Variants in ERICH6 observed in about 807,000 individuals in gnomAD.
ERICH6 encodes glutamate rich 6, also known as glutamate-rich protein 6.
Under a neutral mutation model 71.0 loss-of-function variants are expected in ERICH6, and 71 were observed. The ratio of observed to expected loss-of-function variants is 1.00; its 90% confidence interval spans 0.83 to 1.22. The LOEUF (loss-of-function observed/expected upper bound fraction) is 1.22. Ranked by LOEUF, ERICH6 falls within the 50% of genes most tolerant of loss-of-function variation. The pLI is 0.00. For missense variants in ERICH6, 808 were observed against 797.2 expected (o/e 1.01, Z -0.16); for synonymous variants, 262 against 278.4 (o/e 0.94, Z 0.59).
intron 3 of ERICH6, among the ~76,000 whole-genome samples, chr3:150,686,561 G>C (rs545004913): frequency 6.6e-6 from 1 of 152,232 alleles, no homozygotes; most frequent in South Asian, 2.1e-4. Context: ...ATTTTAAAAT[G>C]TTTCCCCTTC....
In ERICH6 at chr3:150,703,890, G is replaced by A. The variant is rs779874184; in HGVS notation, c.9C>T (p.His3=). ...CTCCGAAGCCGCTAGGCGAGCGCAAGTGGGCCATGGCTGGCGGGAGGCGGG... is the reference window on the plus strand; with the variant it reads ...CTCCGAAGCCGCTAGGCGAGCGCAAATGGGCCATGGCTGGCGGGAGGCGGG... The part of the protein sequence containing the change: MA[H]LRSPSGFGDP... Residue 3 remains histidine (H), a synonymous_variant, in exon 1 of 14, where the codon CAC becomes CAT. Coordinates refer to ENST00000295910, the MANE Select transcript of ERICH6 (RefSeq NM_152394.5). 6.2e-7 allele frequency: 1 copy of A among 1,613,952 alleles called. No homozygotes were observed. The highest frequency in any genetic ancestry group is 1.1e-5 in the South Asian group (1 of 91,072).
chr3:150,667,184 AC>A (rs1727456044), intron 12 of ERICH6, among the ~76,000 whole-genome samples, 169 bp from the exon 13 acceptor site: 1 of 152,212 alleles, frequency 6.6e-6, no homozygotes, highest in Non-Finnish European at 1.5e-5. Flanking sequence ...ACTAAATTCT[AC>A]ACGAATCTGA....
rs1559924826 is a variant in ERICH6, at chr3:150,703,835, C to G, written c.64G>C (p.Glu22Gln). 2 of 1,613,350 alleles carry G rather than the reference C, an allele frequency of 1.2e-6. No individual in the cohort carries two copies. The highest frequency in any genetic ancestry group is 2.2e-5 in the East Asian group (1 of 44,860). ...TCCTCCTCCTCCTCTAACTCCTCCT[C>G]TGACTCCTTCTGGTCCTTCTTCCCC... ...DPGKKDQKES[E>Q]EELEEEEEEE... Residue 22 changes from glutamate to glutamine, a missense_variant, in exon 1 of 14, where the codon GAG (glutamate) becomes CAG (glutamine). Around this residue, in one of 3 missense-constraint regions of ERICH6, gnomAD observed 53 missense variants for 40.6 expected, o/e 1.30. Transcript: ENST00000295910.
At chr3:150,672,240 AAAC>A (rs1711508086) in intron 11 of ERICH6, among the ~76,000 whole-genome samples, 1 of 102,766 alleles carries the variant, frequency 9.7e-6, no homozygotes, top group Non-Finnish European at 2.0e-5. Flanking sequence ...AAATATGAAT[AAAC>A]AAAGAATCCA....
chr3:150,685,773 T>G lies in ERICH6; in HGVS notation c.752A>C (p.Glu251Ala), dbSNP rs771270007. 1 of 1,614,118 alleles carries G rather than the reference T, an allele frequency of 6.2e-7. No homozygotes were observed. The highest frequency in any genetic ancestry group is 2.2e-5 in the East Asian group (1 of 44,874). ...IGPPSILAYKEESSNLGINFK... is the reference protein window; with the variant it reads ...IGPPSILAYKAESSNLGINFK... ...GTTAATGCCTAAATTGGAGCTCTCT[T>G]CTTTGTATGCCAGAATGGATGGTGG... Residue 251 changes from glutamate to alanine, a missense_variant, in exon 6 of 14, where the codon GAA becomes GCA. Transcript: ENST00000295910.
chr3:150,672,344 TC>T (rs1331249289), intron 11 of ERICH6, among the ~76,000 whole-genome samples: 1 of 150,088 alleles, frequency 6.7e-6, no homozygotes, highest in Non-Finnish European at 1.5e-5. Flanking sequence ...ATGCCTGTAA[TC>T]CCAGCACTTT....
At chr3:150,685,632 CTTTT>C in intron 6 of ERICH6, 106 bp downstream of exon 6, 2 of 774,562 alleles carry the variant, frequency 2.6e-6, no homozygotes, top group Non-Finnish European at 3.9e-6. Flanking sequence ...AGCTCTTTGG[CTTTT>C]TTTTTTTTTC....
In ERICH6 at chr3:150,669,368, G is replaced by C; in HGVS notation, c.1427C>G (p.Thr476Ser). The change falls in exon 12 of 14, where the codon ACT (threonine) becomes AGT (serine). Residue 476 changes from threonine (T) to serine (S), a missense_variant. Physicochemically the swap from Thr to Ser is moderately conservative, Grantham distance 58. Around this residue, in one of 3 missense-constraint regions of ERICH6, gnomAD observed 736 missense variants for 712.2 expected, o/e 1.03. Coordinates refer to ENST00000295910, the MANE Select transcript of ERICH6 (RefSeq NM_152394.5). ...CAGCACTGCTAGGATAGCAGGGTTAGTGGGCATATCTTCTTGGACTATACA... is the reference window on the plus strand; with the variant it reads ...CAGCACTGCTAGGATAGCAGGGTTACTGGGCATATCTTCTTGGACTATACA... ...FTCIVQEDMP[T>S]NPAILAVLDS... The C allele has an allele frequency of 6.2e-7, 1 of 1,613,926 alleles. No individual in the cohort carries two copies. The highest frequency in any genetic ancestry group is 8.5e-7 in the Non-Finnish European group (1 of 1,179,920).
intron 10 of ERICH6, among the ~76,000 whole-genome samples, chr3:150,676,608 C>G (rs529802924): frequency 6.6e-6 from 1 of 152,116 alleles, no homozygotes; most frequent in African/African-American, 2.4e-5. Context: ...TTCTGCCAGT[C>G]ACCTGGGTTT....
Position 150,686,016 on chromosome 3 carries a change from A to G in ERICH6, c.616T>C (p.Trp206Arg). 1 of 1,600,886 alleles carries G rather than the reference A, an allele frequency of 6.2e-7. No homozygotes were observed. Among genetic ancestry groups the G allele is most frequent in the Non-Finnish European group, 8.6e-7 (1 of 1,168,032 alleles). The stretch of plus-strand genomic sequence containing the variant: ...TTCGACTCTTCTGGATTAATTACCC[A>G]TTTTTCTGGAGAGAAAGAATAGATT... ...ECLASKLREK[W>R]VINPEESKLN... The change falls in exon 5 of 14, where the codon TGG (tryptophan) becomes CGG (arginine). Residue 206 changes from tryptophan to arginine, a missense_variant. By Grantham distance (101) the Trp-to-Arg change is moderately radical. Around this residue, in one of 3 missense-constraint regions of ERICH6, gnomAD observed 736 missense variants for 712.2 expected, o/e 1.03. Transcript: ENST00000295910.
rs143930696 is a variant in ERICH6 at position 150,680,807 on chromosome 3, C to T, written c.1006G>A (p.Asp336Asn). The change falls in exon 8 of 14, where the codon GAC becomes AAC. Residue 336 changes from aspartate to asparagine, a missense_variant. Transcript: ENST00000295910. ...DPHAAHGSEV[D>N]RLKAKEKALQ... The stretch of plus-strand genomic sequence containing the variant: ...GCTTTTTCTTTTGCCTTGAGTCTGT[C>T]GACCTCACTACCATGGGCTGCATGA... 204 of 1,611,878 alleles carry T rather than the reference C, an allele frequency of 1.3e-4. 3 individuals are homozygous for T. Among genetic ancestry groups the T allele is most frequent in the African/African-American group, 9.9e-4 (74 of 74,766 alleles).
At chr3:150,680,199 T>C (rs991903660) in intron 9 of ERICH6, among the ~76,000 whole-genome samples, 1 of 152,212 alleles carries the variant, frequency 6.6e-6, no homozygotes, top group African/African-American at 2.4e-5. Context: ...TAGGCTATAC[T>C]GAACTTAGAA....
intron 6 of ERICH6, among the ~76,000 whole-genome samples, chr3:150,684,857 T>C (rs1482475042): frequency 6.6e-6 from 1 of 151,804 alleles, no homozygotes; most frequent in African/African-American, 2.4e-5. Context: ...ATTTAAAAAA[T>C]TATCTAGGCA....
Position 150,669,599 on chromosome 3 carries a change from T to C in ERICH6, c.1344-148A>G, listed in dbSNP as rs1049609558. 8.3e-6 allele frequency: 7 copies of C among 841,172 alleles called. No homozygotes were observed. The African/African-American group carries it at 8.9e-5, about 11-fold the overall frequency. The allele number at this position is 841,172 out of a possible 1,614,324, so 52.1% of individuals were successfully genotyped here. ...AATACAAAAGATTTTATGCTTTTTA[T>C]GTGGATCAGAATATACTCATGAGAT... On this transcript the variant is annotated intron_variant, in intron 11 of 13. Coordinates refer to ENST00000295910, the MANE Select transcript of ERICH6 (RefSeq NM_152394.5).
intron 11 of ERICH6, among the ~76,000 whole-genome samples, chr3:150,672,264 C>CATATATATATATATATGTATATATATAT (rs57492414): frequency 1.6e-5 from 2 of 123,620 alleles, no homozygotes; most frequent in African/African-American, 3.2e-5. Context: ...TTTATATATA[C>CATATATATATATATATGTATATATATAT]ATATATATAT....
chr3:150,679,947 C>T (rs149180267), intron 9 of ERICH6, among the ~76,000 whole-genome samples: 3,117 of 151,708 alleles, frequency 0.021, 118 homozygotes, highest in African/African-American at 0.071. Context: ...CGTGAGCCAC[C>T]GCGCCCAGCC....
intron 13 of ERICH6, 100 bp from the exon 14 acceptor site, chr3:150,660,255 C>T: frequency 7.5e-7 from 1 of 1,332,554 alleles, no homozygotes; most frequent in Non-Finnish European, 1.0e-6. Context: ...GTTGGATTCC[C>T]TGATGAGGGT....
At chr3:150,667,125 A>G (rs935678933) in intron 12 of ERICH6, 110 bp from the exon 13 acceptor site, 41 of 977,018 alleles carry the variant, frequency 4.2e-5, no homozygotes, top group Non-Finnish European at 6.0e-5. Context: ...GCCAGCGATT[A>G]GCAGGAGTGG....
At chr3:150,691,290 T>C (rs902152264) in intron 3 of ERICH6, among the ~76,000 whole-genome samples, 4 of 152,214 alleles carry the variant, frequency 2.6e-5, no homozygotes, top group Non-Finnish European at 4.4e-5. Context: ...ATTTCATTAT[T>C]TGGGTATTTT....
Sources: allele counts gnomAD v4.1 joint callset (sites outside exome capture counted in the v4.1 genomes callset), GRCh38; gene constraint gnomAD v4.1.1; regional missense constraint gnomAD v4.1.1; transcripts MANE v1.5; gene names NCBI Gene and HGNC (gene_info 2026-07-23, HGNC 2026-07-21).